LARGE1: variants seen among roughly 807,000 people sequenced by gnomAD.
The protein encoded by LARGE1 is LARGE xylosyl- and glucuronyltransferase 1.
A neutral mutation model predicts 87.6 loss-of-function variants in LARGE1; 43 were observed. The ratio of observed to expected loss-of-function variants is 0.49; its 90% CI spans 0.38 to 0.63. The LOEUF is 0.63. LARGE1 is among the 30% of genes least tolerant of loss of function. The pLI is 0.00. For missense variants in LARGE1, 802 were observed against 1,000.2 expected, an observed-to-expected ratio of 0.80 and a Z score of 2.67; for synonymous variants, 434 against 394.6, an observed-to-expected ratio of 1.10 and a Z score of -1.18.
the LARGE1 span, among the ~76,000 whole-genome samples, chr22:33,081,966 A>T: frequency 6.6e-6 from 1 of 152,190 alleles, no homozygotes; most frequent in Non-Finnish European, 1.5e-5. Flanking sequence ...ATAGACAAAG[A>T]ATTTAAATCG....
intron 1 of LARGE1, among the ~76,000 whole-genome samples, chr22:33,805,761 GAATAAATA>G (rs71987559): frequency 6.4e-5 from 8 of 125,866 alleles, no homozygotes; most frequent in East Asian, 2.5e-4. Context: ...GTAAATAAAT[GAATAAATA>G]AATAAATAAA....
chr22:33,641,751 A>G (rs1293551242), intron 3 of LARGE1, among the ~76,000 whole-genome samples: 1 of 152,212 alleles, frequency 6.6e-6, no homozygotes, highest in Non-Finnish European at 1.5e-5. Context: ...ACAAGTATCG[A>G]TAGCCGAATC....
chr22:33,232,469 G>T (rs16992000), intron 11 of LARGE1, among the ~76,000 whole-genome samples: 1 of 152,174 alleles, frequency 6.6e-6, no homozygotes, highest in African/African-American at 2.4e-5. Flanking sequence ...ATGCTCATCC[G>T]CCAGGAGAAA....
intron 1 of LARGE1, among the ~76,000 whole-genome samples, chr22:33,884,390 G>T (rs2064785241): frequency 6.6e-6 from 1 of 152,220 alleles, no homozygotes. Context: ...CTATCATTCA[G>T]GGTGAGTCAG....
chr22:33,659,687 C>T (rs1267182675), intron 2 of LARGE1, among the ~76,000 whole-genome samples: 1 of 146,418 alleles, frequency 6.8e-6, no homozygotes, highest in Non-Finnish European at 1.5e-5. Flanking sequence ...CCAAAGCACA[C>T]TTGAGTTCCA....
intron 6 of LARGE1, among the ~76,000 whole-genome samples, chr22:33,445,237 C>T (rs527706241): frequency 1.3e-5 from 2 of 152,156 alleles, no homozygotes; most frequent in Admixed American, 1.3e-4. Flanking sequence ...AATATGGTCA[C>T]ATTGTGAGGT....
chr22:33,435,281 C>T (rs777949921), intron 6 of LARGE1, among the ~76,000 whole-genome samples: 1 of 152,162 alleles, frequency 6.6e-6, no homozygotes, highest in Admixed American at 6.5e-5. Flanking sequence ...GGATTACAGG[C>T]GTGAGCCACC....
chr22:33,859,728 G>C (rs2063858164), intron 1 of LARGE1, among the ~76,000 whole-genome samples: 1 of 152,128 alleles, frequency 6.6e-6, no homozygotes, highest in African/African-American at 2.4e-5. Context: ...GACATGTATG[G>C]TTCATCAAGG....
intron 7 of LARGE1, among the ~76,000 whole-genome samples, chr22:33,404,066 T>C (rs1470219680): frequency 6.6e-6 from 1 of 152,190 alleles, no homozygotes; most frequent in Non-Finnish European, 1.5e-5. Context: ...AGAAGAGGGA[T>C]AAACAAGTAA....
At chr22:33,827,783 T>C (rs1042696423) in intron 1 of LARGE1, among the ~76,000 whole-genome samples, 1 of 152,150 alleles carries the variant, frequency 6.6e-6, no homozygotes, top group Non-Finnish European at 1.5e-5. Context: ...TTTAGGAACA[T>C]CACTGTCACC....
At chr22:33,263,812 T>C (rs1458644827) in intron 11 of LARGE1, among the ~76,000 whole-genome samples, 1 of 152,358 alleles carries the variant, frequency 6.6e-6, no homozygotes, top group African/African-American at 2.4e-5. Flanking sequence ...ATGAAGGACC[T>C]GTTACAACTG....
At chr22:33,655,911 T>A (rs2080946260) in intron 2 of LARGE1, among the ~76,000 whole-genome samples, 1 of 152,194 alleles carries the variant, frequency 6.6e-6, no homozygotes, top group Non-Finnish European at 1.5e-5. Flanking sequence ...ATCAAGTAGA[T>A]AAGTAAGAGC....
chr22:33,629,697 A>C (rs2080042343), intron 3 of LARGE1, among the ~76,000 whole-genome samples: 2 of 152,242 alleles, frequency 1.3e-5, no homozygotes, highest in South Asian at 4.2e-4. Flanking sequence ...TTGTCATGTG[A>C]CTTTAGGGCT....
intron 12 of LARGE1, among the ~76,000 whole-genome samples, chr22:33,286,433 G>T (rs562848475): frequency 1.3e-5 from 2 of 152,272 alleles, no homozygotes; most frequent in East Asian, 3.9e-4. Flanking sequence ...CCTGGGGCAG[G>T]GGGGAAGGTG....
At chr22:33,159,583 AT>A (rs768251168), downstream of LARGE1, among the ~76,000 whole-genome samples, 4,586 of 143,450 alleles carry the variant, frequency 0.032, 117 homozygotes, top group African/African-American at 0.069. Context: ...ATCAATTTAA[AT>A]TTTTTTTTTT....
chr22:33,503,173 C>G (rs1383745374), intron 6 of LARGE1, among the ~76,000 whole-genome samples: 1 of 151,552 alleles, frequency 6.6e-6, no homozygotes, highest in African/African-American at 2.4e-5. Flanking sequence ...TTTCTTTACT[C>G]AAAAATGCAG....
intron 1 of LARGE1, among the ~76,000 whole-genome samples, chr22:33,777,953 G>A (rs2085301237): frequency 6.6e-6 from 1 of 152,206 alleles, no homozygotes; most frequent in Admixed American, 6.5e-5. Flanking sequence ...GCCTGTAGCT[G>A]CAGGGGATAA....
intron 10 of LARGE1, among the ~76,000 whole-genome samples, chr22:33,323,483 C>T (rs185238696): frequency 2.0e-5 from 3 of 152,180 alleles, no homozygotes; most frequent in Non-Finnish European, 2.9e-5. Flanking sequence ...ATCCAGTCTT[C>T]GGACCTCAAA....
At chr22:33,477,531 C>T (rs754488145) in intron 6 of LARGE1, among the ~76,000 whole-genome samples, 1 of 151,944 alleles carries the variant, frequency 6.6e-6, no homozygotes, top group Non-Finnish European at 1.5e-5. Context: ...ATTTCATGTC[C>T]AAGAAAAGTA....
Sources: gnomAD v4.1 joint callset for allele counts (sites outside exome capture counted in the v4.1 genomes callset) on GRCh38, gnomAD v4.1.1 for gene constraint, MANE v1.5 for transcripts, NCBI Gene and HGNC (gene_info 2026-07-23, HGNC 2026-07-21) for gene names.